The following CPNE4 variants were observed in gnomAD, a reference collection of about 807,000 sequenced individuals.
The protein encoded by CPNE4 is copine 4, also known as copine-4.
CPNE4 carries 25 observed loss-of-function variants against 67.9 expected under a neutral mutation model. The observed-to-expected ratio is 0.37, with a 90% confidence interval of 0.27 to 0.51. The LOEUF is 0.51. CPNE4 is among the 20% of genes least tolerant of loss of function. CPNE4 has a pLI of 0.93. For synonymous variants in CPNE4, 242 were observed against 244.9 expected, an observed-to-expected ratio of 0.99 and a Z score of 0.11; for missense variants, 464 against 690.8, an observed-to-expected ratio of 0.67 and a Z score of 3.68.
chr3:131,764,877 T>A (rs1513380), intron 2 of CPNE4, among the ~76,000 whole-genome samples: 18 of 151,940 alleles, frequency 1.2e-4, no homozygotes, highest in African/African-American at 3.9e-4. Context: ...ATTGAAGAGC[T>A]CTGAGATTGT....
chr3:131,819,522 A>G (rs986105011), intron 2 of CPNE4, among the ~76,000 whole-genome samples: 2 of 150,980 alleles, frequency 1.3e-5, no homozygotes, highest in East Asian at 2.0e-4. Context: ...ACACACACAC[A>G]CGCACAGTTT....
intron 10 of CPNE4, among the ~76,000 whole-genome samples, chr3:131,566,290 G>A (rs922678802): frequency 6.6e-6 from 1 of 151,888 alleles, no homozygotes; most frequent in African/African-American, 2.4e-5. Flanking sequence ...AAGGAAAACT[G>A]AAATGTGTGT....
At chr3:131,577,861 G>A (rs56097533) in intron 9 of CPNE4, among the ~76,000 whole-genome samples, 3,794 of 152,124 alleles carry the variant, frequency 0.025, 84 homozygotes, top group African/African-American at 0.064. Flanking sequence ...CTGTCATATC[G>A]GTGGTCCATC....
At chr3:131,932,494 T>C (rs1188867225) in intron 1 of CPNE4, among the ~76,000 whole-genome samples, 2 of 152,050 alleles carry the variant, frequency 1.3e-5, no homozygotes, top group African/African-American at 4.8e-5. Flanking sequence ...AGTGTATGAA[T>C]ATATACCTAC....
chr3:131,783,695 A>T (rs1190012191), intron 2 of CPNE4, among the ~76,000 whole-genome samples: 2 of 152,050 alleles, frequency 1.3e-5, no homozygotes, highest in Non-Finnish European at 2.9e-5. Context: ...TTTGTGCTTC[A>T]GTCAAAGCCA....
intron 3 of CPNE4, among the ~76,000 whole-genome samples, chr3:131,720,149 C>G (rs2081843174): frequency 6.6e-6 from 1 of 152,072 alleles, no homozygotes; most frequent in South Asian, 2.1e-4. Flanking sequence ...GTGCCCATCA[C>G]TGACTTTGAC....
At chr3:131,784,716 C>T (rs1172987536) in intron 2 of CPNE4, among the ~76,000 whole-genome samples, 1 of 152,150 alleles carries the variant, frequency 6.6e-6, no homozygotes, top group Non-Finnish European at 1.5e-5. Flanking sequence ...TTCCCTGTCT[C>T]ACTTTCCCCA....
chr3:131,885,557 A>G (rs1242416343), intron 2 of CPNE4, among the ~76,000 whole-genome samples: 2 of 151,364 alleles, frequency 1.3e-5, no homozygotes, highest in Non-Finnish European at 2.9e-5. Context: ...TTTTATTATT[A>G]TACTTTAAGT....
At chr3:131,806,277 G>A (rs1177930767) in intron 2 of CPNE4, among the ~76,000 whole-genome samples, 4 of 152,136 alleles carry the variant, frequency 2.6e-5, no homozygotes, top group African/African-American at 9.7e-5. Context: ...TTGGCCAGGC[G>A]CGGTGGCTCA....
chr3:131,683,369 T>C (rs111463589), intron 6 of CPNE4, among the ~76,000 whole-genome samples: 3,001 of 152,270 alleles, frequency 0.02, 97 homozygotes, highest in African/African-American at 0.068. Context: ...CCTGCTTCCC[T>C]TCAAGGCAGT....
intron 5 of CPNE4, among the ~76,000 whole-genome samples, chr3:131,690,518 T>C (rs2081010591): frequency 6.6e-6 from 1 of 152,098 alleles, no homozygotes; most frequent in Non-Finnish European, 1.5e-5. Context: ...CCCTTACATT[T>C]CACCATATAC....
intron 2 of CPNE4, 135 bp downstream of exon 2, chr3:131,905,129 G>T: frequency 1.3e-6 from 1 of 798,584 alleles, no homozygotes. Context: ...AAAACATCAT[G>T]ATAGAAATGT....
At chr3:131,713,130 T>G (rs1304585040) in intron 3 of CPNE4, among the ~76,000 whole-genome samples, 1 of 151,758 alleles carries the variant, frequency 6.6e-6, no homozygotes, top group Non-Finnish European at 1.5e-5. Flanking sequence ...TGTAGCTGTT[T>G]TTTTTTTAGC....
chr3:131,621,186 T>A (rs976051412), intron 7 of CPNE4, among the ~76,000 whole-genome samples: 3 of 152,192 alleles, frequency 2.0e-5, no homozygotes, highest in Non-Finnish European at 4.4e-5. Flanking sequence ...GAGTTTCTGT[T>A]CCTTATAACT....
At chr3:131,678,295 AC>A (rs34122608) in intron 6 of CPNE4, among the ~76,000 whole-genome samples, 89,395 of 151,884 alleles carry the variant, frequency 0.59, 26,493 homozygotes, top group East Asian at 0.8. Context: ...GTATTCTGAG[AC>A]CTTTACTGAA....
intron 6 of CPNE4, among the ~76,000 whole-genome samples, chr3:131,682,660 G>A (rs752030605): frequency 1.4e-4 from 21 of 151,972 alleles, no homozygotes; most frequent in Non-Finnish European, 2.8e-4. Flanking sequence ...GTTCACACAA[G>A]GCTCTAGTAC....
rs5852659 is a variant in CPNE4 at position 131,861,402 on chromosome 3, TTGTGTGTGTGTGTGTGTGTG to T, written c.180+43842_180+43861del. 1.2e-3 allele frequency among the ~76,000 whole-genome samples: 170 copies of T among 144,538 alleles called. 2 individuals are homozygous for T. The highest frequency in any genetic ancestry group is 6.0e-3 in the South Asian group (26 of 4,364). The allele number at this position is 144,538 out of a possible 152,430, so 94.8% of individuals were successfully genotyped here. A position where few individuals can be genotyped will look rare whatever the true frequency, so the allele number is the denominator to read the frequency against. On this transcript the variant is annotated intron_variant, in intron 2 of 15. Transcript: ENST00000429747. ...ACTCTGAGTTTAGAATATCTCATCT[TTGTGTGTGTGTGTGTGTGTG>T]TGTGTGTGTGTGTGTGTGTGTGTGT...
intron 7 of CPNE4, among the ~76,000 whole-genome samples, chr3:131,658,865 C>T (rs530248659): frequency 4.6e-5 from 7 of 152,236 alleles, no homozygotes; most frequent in African/African-American, 1.7e-4. Flanking sequence ...AGGATGGCTG[C>T]GGATTGTGAT....
intron 2 of CPNE4, among the ~76,000 whole-genome samples, chr3:131,755,685 C>T (rs1583147049): frequency 6.6e-6 from 1 of 152,304 alleles, no homozygotes; most frequent in East Asian, 1.9e-4. Flanking sequence ...TCAGAATTCA[C>T]ACATTCTAAT....
Sources: gnomAD v4.1 joint callset for allele counts (sites outside exome capture counted in the v4.1 genomes callset) on GRCh38, gnomAD v4.1.1 for gene constraint, MANE v1.5 for transcripts, NCBI Gene and HGNC (gene_info 2026-07-23, HGNC 2026-07-21) for gene names.